The following NHS variants were observed in gnomAD, a reference collection of about 807,000 sequenced individuals.
NHS encodes NHS actin remodeling regulator.
In NHS, 5 loss-of-function variants were observed where a neutral mutation model predicts 72.5. The ratio of observed to expected loss-of-function variants is 0.07; its 90% CI spans 0.04 to 0.14. NHS has a LOEUF of 0.14. Ranked by LOEUF, NHS falls within the 10% of genes least tolerant of loss-of-function variation. The pLI, the probability that NHS is intolerant of heterozygous loss-of-function variation, is 1.00. For synonymous variants in NHS, 464 were observed against 547.7 expected (o/e 0.85, Z 2.13); for missense variants, 1,072 against 1,355.7 (o/e 0.79, Z 3.29).
chrX:17,719,489 G>T, intron 4 of NHS, 83 bp downstream of exon 4: 5 of 767,383 alleles, frequency 6.5e-6, no homozygotes, highest in Non-Finnish European at 7.2e-6. Context: ...TTAACTTTAT[G>T]GAAAACTTTC....
chrX:17,443,180 A>G (rs1200558309), intron 1 of NHS, among the ~76,000 whole-genome samples: 2 of 112,461 alleles, frequency 1.8e-5, no homozygotes, highest in Non-Finnish European at 3.7e-5. Flanking sequence ...AACATGAATC[A>G]TATTACTATG....
At chrX:17,685,804 G>GGGAA (rs1442811456) in intron 1 of NHS, among the ~76,000 whole-genome samples, 1 of 111,609 alleles carries the variant, frequency 9.0e-6, no homozygotes, top group African/African-American at 3.3e-5. Context: ...ACCATCCCTA[G>GGGAA]GGAACTGTAT....
chrX:17,719,126 TAAG>T (rs1314883597), intron 3 of NHS: 143 of 298,688 alleles, frequency 4.8e-4, no homozygotes, highest in Non-Finnish European at 7.5e-4. Flanking sequence ...AAGGAAGAAA[TAAG>T]GAGAAGAAAG....
intron 1 of NHS, among the ~76,000 whole-genome samples, chrX:17,593,884 G>C (rs2065614176): frequency 8.9e-6 from 1 of 111,833 alleles, no homozygotes; most frequent in African/African-American, 3.3e-5. Context: ...TGGATGGATG[G>C]ATGGAGGAAA....
Position 17,474,468 on chromosome X carries a change from C to T in NHS, c.565+98146C>T, listed in dbSNP as rs111550038. Among the ~76,000 whole-genome samples the T allele has an allele frequency of 2.7e-3, 300 of 111,514 alleles. 4 individuals are homozygous for T. Among genetic ancestry groups the T allele is most frequent in the African/African-American group, 9.0e-3 (277 of 30,674 alleles). On this transcript the variant is annotated intron_variant, in intron 1 of 8. Transcript: ENST00000676302. ...TAGGACAGACTCTGAGATGGAGACC[C>T]GTGCACAGGAAAGCTACTGGGGAGT...
At chrX:17,525,588 T>C (rs905067098) in intron 1 of NHS, among the ~76,000 whole-genome samples, 15 of 111,011 alleles carry the variant, frequency 1.4e-4, no homozygotes, top group Non-Finnish European at 2.1e-4. Context: ...TTTTGTCTAT[T>C]TTTTGCAGCA....
chrX:17,700,243 G>T (rs918346137), intron 3 of NHS, among the ~76,000 whole-genome samples: 8 of 109,673 alleles, frequency 7.3e-5, no homozygotes, highest in African/African-American at 2.7e-4. Context: ...AGGAGTTTGA[G>T]ACCAGCCTGG....
At chrX:17,617,189 G>A (rs956096366) in intron 1 of NHS, among the ~76,000 whole-genome samples, 13 of 111,703 alleles carry the variant, frequency 1.2e-4, no homozygotes, top group Non-Finnish European at 2.3e-4. Flanking sequence ...GGCCAGGCTA[G>A]GCTGTGAATT....
chrX:17,658,775 AC>A lies in NHS; in HGVS notation c.566-28966del, dbSNP rs1453118832. On this transcript the variant is annotated intron_variant, in intron 1 of 8. Coordinates refer to ENST00000676302, the MANE Select transcript of NHS (RefSeq NM_001291867.2). ...GGGTTGAGATTTCAGTTTTTTAAGA[AC>A]ATCATTGGCTTGGCTCGACCTGTAC... Among the ~76,000 whole-genome samples, 621 of 111,878 alleles carry A rather than the reference AC, an allele frequency of 5.6e-3. 3 individuals carry two copies. Among genetic ancestry groups the A allele is most frequent in the African/African-American group, 0.02 (603 of 30,754 alleles).
chrX:17,631,330 G>A (rs2065821600), intron 1 of NHS, among the ~76,000 whole-genome samples: 1 of 112,306 alleles, frequency 8.9e-6, no homozygotes. Context: ...TATAATTCAT[G>A]CTTTCCATCC....
chrX:17,511,592 C>CA (rs1327942298), intron 1 of NHS, among the ~76,000 whole-genome samples: 4 of 112,078 alleles, frequency 3.6e-5, no homozygotes, highest in Non-Finnish European at 7.5e-5. Flanking sequence ...TGTATTTTAA[C>CA]AAACCTTGTG....
chrX:17,583,373 G>A (rs2065554513), intron 1 of NHS, among the ~76,000 whole-genome samples: 1 of 111,710 alleles, frequency 9.0e-6, no homozygotes, highest in African/African-American at 3.3e-5. Flanking sequence ...TGGTATTGAT[G>A]GATCCTCTGA....
At chrX:17,612,499 A>G (rs770464793) in intron 1 of NHS, among the ~76,000 whole-genome samples, 3 of 110,807 alleles carry the variant, frequency 2.7e-5, no homozygotes, top group Non-Finnish European at 3.8e-5. Flanking sequence ...TCTGGTTGCT[A>G]CTGCCCTACT....
At position 17,518,112 on chromosome X, in the gene NHS, G is replaced by A. The variant is rs375038517; in HGVS notation, c.565+141790G>A. 2.3e-4 allele frequency among the ~76,000 whole-genome samples: 26 copies of A among 111,803 alleles called. 1 individual carries two copies. In the East Asian group the frequency reaches 3.9e-3, roughly 17 times the overall value. On this transcript the variant is annotated intron_variant, in intron 1 of 8. Transcript: ENST00000676302. ...TCCTGTCTCCTTCACTCCAGGACTG[G>A]GGCTGATGGGATTGGTCTCTGCCTA... is the stretch of plus-strand genomic sequence containing the variant.
At chrX:17,540,530 AG>A (rs756679450) in intron 1 of NHS, among the ~76,000 whole-genome samples, 3 of 112,038 alleles carry the variant, frequency 2.7e-5, no homozygotes, top group Non-Finnish European at 5.6e-5. Flanking sequence ...GTAGAATGTC[AG>A]GTTGAGGGAG....
At chrX:17,615,729 C>T (rs1367859975) in intron 1 of NHS, among the ~76,000 whole-genome samples, 1 of 110,455 alleles carries the variant, frequency 9.1e-6, no homozygotes, top group African/African-American at 3.3e-5. Context: ...AACGCACTAT[C>T]CATTTACATG....
chrX:17,585,302 T>A (rs1281972948), intron 1 of NHS, among the ~76,000 whole-genome samples: 2 of 112,384 alleles, frequency 1.8e-5, no homozygotes, highest in Non-Finnish European at 3.8e-5. Context: ...TTGTGAGGAT[T>A]TAGTGCAATA....
chrX:17,524,775 T>C (rs1207023273), intron 1 of NHS, among the ~76,000 whole-genome samples: 1 of 112,493 alleles, frequency 8.9e-6, no homozygotes, highest in African/African-American at 3.2e-5. Context: ...TGTGTAGCTG[T>C]TCTTTTTCCT....
At chrX:17,607,133 A>G (rs769501161) in intron 1 of NHS, among the ~76,000 whole-genome samples, 2 of 111,082 alleles carry the variant, frequency 1.8e-5, no homozygotes, top group African/African-American at 6.5e-5. Context: ...GTCCAGCCTC[A>G]GGGAGTTGAG....
Sources: gnomAD v4.1 joint callset for allele counts (sites outside exome capture counted in the v4.1 genomes callset) on GRCh38, gnomAD v4.1.1 for gene constraint, MANE v1.5 for transcripts, NCBI Gene and HGNC (gene_info 2026-07-23, HGNC 2026-07-21) for gene names.